The following SPOCK1 variants were observed in gnomAD, a reference collection of about 807,000 sequenced individuals.
The protein encoded by SPOCK1 is SPARC (osteonectin), cwcv and kazal like domains proteoglycan 1.
SPOCK1 carries 23 observed loss-of-function variants against 55.3 expected under a neutral mutation model. The ratio of observed to expected loss-of-function variants is 0.42; its 90% CI spans 0.30 to 0.59. The LOEUF is 0.59. SPOCK1 is among the 20% of genes least tolerant of loss of function. The pLI, the probability that SPOCK1 is intolerant of heterozygous loss-of-function variation, is 0.22. For missense variants in SPOCK1, 499 were observed against 552.5 expected (o/e 0.90, Z 0.97); for synonymous variants, 226 against 221.0 (o/e 1.02, Z -0.20).
intron 2 of SPOCK1, among the ~76,000 whole-genome samples, chr5:137,303,685 G>A (rs578193649): frequency 1.9e-4 from 29 of 152,314 alleles, no homozygotes; most frequent in Admixed American, 1.8e-3. Context: ...AGGCAGGCAA[G>A]GCTTCAGGAG....
chr5:137,384,959 G>C (rs971868193), intron 2 of SPOCK1, among the ~76,000 whole-genome samples: 2 of 152,022 alleles, frequency 1.3e-5, no homozygotes, highest in Non-Finnish European at 2.9e-5. Flanking sequence ...CTGTAGGATG[G>C]GGGGGGCGGT....
intron 8 of SPOCK1, among the ~76,000 whole-genome samples, chr5:136,987,964 T>C (rs1014897055): frequency 6.6e-6 from 1 of 152,244 alleles, no homozygotes; most frequent in African/African-American, 2.4e-5. Context: ...CTGGAGTTTA[T>C]TTATAACCAA....
At chr5:137,199,432 TC>T in intron 3 of SPOCK1, among the ~76,000 whole-genome samples, 1 of 152,160 alleles carries the variant, frequency 6.6e-6, no homozygotes, top group South Asian at 2.1e-4. Context: ...GTTGCATGAG[TC>T]ACAACAGACC....
chr5:137,453,316 C>T (rs1041788518), intron 2 of SPOCK1, among the ~76,000 whole-genome samples: 11 of 152,160 alleles, frequency 7.2e-5, no homozygotes, highest in Admixed American at 3.3e-4. Flanking sequence ...GCTTCATATA[C>T]ACCTCTCATT....
intron 3 of SPOCK1, among the ~76,000 whole-genome samples, chr5:137,264,657 C>G (rs747653995): frequency 1.3e-5 from 2 of 152,130 alleles, no homozygotes; most frequent in Non-Finnish European, 2.9e-5. Context: ...GAGGAAATGA[C>G]TCCTCTCTTT....
At chr5:137,356,873 A>AGAGAGAGTGT (rs796667572) in intron 2 of SPOCK1, among the ~76,000 whole-genome samples, 2 of 69,824 alleles carry the variant, frequency 2.9e-5, no homozygotes, top group Non-Finnish European at 5.3e-5. Flanking sequence ...AGAGAGAGAG[A>AGAGAGAGTGT]GAGTATGCAG....
intron 9 of SPOCK1, 25 bp from the exon 10 acceptor site, chr5:136,979,494 T>A: frequency 6.4e-7 from 1 of 1,556,092 alleles, no homozygotes; most frequent in Non-Finnish European, 8.7e-7. Flanking sequence ...GGTGCAACTT[T>A]AATCAGAGAC....
intron 2 of SPOCK1, among the ~76,000 whole-genome samples, chr5:137,459,505 A>T (rs1753436119): frequency 6.8e-6 from 1 of 146,576 alleles, no homozygotes; most frequent in Non-Finnish European, 1.5e-5. Flanking sequence ...GAATTATTTC[A>T]GCCAGGGACT....
intron 2 of SPOCK1, among the ~76,000 whole-genome samples, chr5:137,356,865 A>AGG (rs1750827731): frequency 8.0e-6 from 1 of 124,492 alleles, no homozygotes; most frequent in African/African-American, 3.1e-5. Context: ...AGAGAGAGAG[A>AGG]GAGAGAGAGA....
intron 3 of SPOCK1, among the ~76,000 whole-genome samples, chr5:137,209,172 CTCT>C: frequency 6.6e-6 from 1 of 152,270 alleles, no homozygotes; most frequent in Admixed American, 6.5e-5. Context: ...TGTATGTAGC[CTCT>C]TGAATGTGGC....
intron 2 of SPOCK1, among the ~76,000 whole-genome samples, chr5:137,391,898 A>G (rs1464554692): frequency 1.3e-5 from 2 of 152,118 alleles, no homozygotes; most frequent in Non-Finnish European, 2.9e-5. Context: ...TGCAGGCTCT[A>G]AATCTGACAC....
chr5:137,204,325 C>T (rs749928267), intron 3 of SPOCK1, among the ~76,000 whole-genome samples: 5 of 152,078 alleles, frequency 3.3e-5, no homozygotes, highest in African/African-American at 1.2e-4. Context: ...TGGAACAAAA[C>T]CTAAAATGCT....
At chr5:137,236,329 T>C (rs897353057) in intron 3 of SPOCK1, among the ~76,000 whole-genome samples, 3 of 152,208 alleles carry the variant, frequency 2.0e-5, no homozygotes, top group African/African-American at 2.4e-5. Flanking sequence ...AGGCCCTTCA[T>C]GGAGTAGGAT....
chr5:137,495,515 A>C (rs776451533), intron 2 of SPOCK1, among the ~76,000 whole-genome samples: 1 of 152,254 alleles, frequency 6.6e-6, no homozygotes, highest in Non-Finnish European at 1.5e-5. Context: ...TTCTTTCACA[A>C]TGAGTTCCAA....
intron 3 of SPOCK1, among the ~76,000 whole-genome samples, chr5:137,148,582 G>C (rs1171174291): frequency 6.6e-6 from 1 of 152,152 alleles, no homozygotes; most frequent in Non-Finnish European, 1.5e-5. Context: ...GAAGGAAAGG[G>C]GGAATTAAAT....
intron 5 of SPOCK1, among the ~76,000 whole-genome samples, chr5:137,074,247 T>C (rs1752681893): frequency 6.6e-6 from 1 of 152,186 alleles, no homozygotes; most frequent in Non-Finnish European, 1.5e-5. Context: ...TAATAATTAT[T>C]ATACAAAACA....
chr5:137,376,766 C>A (rs1319935760), intron 2 of SPOCK1, among the ~76,000 whole-genome samples: 1 of 152,058 alleles, frequency 6.6e-6, no homozygotes, highest in Non-Finnish European at 1.5e-5. Flanking sequence ...TGACTCTCTG[C>A]AAGCTGTCTC....
intron 5 of SPOCK1, among the ~76,000 whole-genome samples, chr5:137,097,539 G>A (rs902425980): frequency 6.6e-6 from 1 of 152,106 alleles, no homozygotes; most frequent in Non-Finnish European, 1.5e-5. Context: ...AGCAAGCATT[G>A]GACAAATGGA....
At chr5:137,084,954 C>CAAAAAAAAAAAAAA (rs10568473) in intron 5 of SPOCK1, among the ~76,000 whole-genome samples, 1 of 114,254 alleles carries the variant, frequency 8.8e-6, no homozygotes, top group East Asian at 2.5e-4. Context: ...TTATACAAAG[C>CAAAAAAAAAAAAAA]AAAAAAAAAA....
Sources: gnomAD v4.1 joint callset for allele counts (sites outside exome capture counted in the v4.1 genomes callset) on GRCh38, gnomAD v4.1.1 for gene constraint, MANE v1.5 for transcripts, NCBI Gene and HGNC (gene_info 2026-07-23, HGNC 2026-07-21) for gene names.